IZUMO4: variants seen among roughly 807,000 people sequenced by gnomAD.
IZUMO4 encodes IZUMO family member 4.
Under a neutral mutation model 37.1 loss-of-function variants are expected in IZUMO4, and 51 were observed. The observed-to-expected ratio is 1.38, with a 90% CI of 1.10 to 1.74. IZUMO4 has a LOEUF of 1.74. Ranked by LOEUF, IZUMO4 falls within the 40% of genes most tolerant of loss-of-function variation. IZUMO4 has a pLI of 0.00. For synonymous variants in IZUMO4, 162 were observed against 121.4 expected (o/e 1.33, Z -2.20); for missense variants, 364 against 299.6 (o/e 1.21, Z -1.59).
chr19:2,098,653 G>A, intron 7 of IZUMO4, 134 bp from the exon 8 acceptor site: 3 of 1,556,338 alleles, frequency 1.9e-6, no homozygotes, highest in Non-Finnish European at 2.6e-6. Flanking sequence ...GCTGGAGGCG[G>A]GCATCTTTCC....
chr19:2,097,726 TC>T (rs780151373), intron 3 of IZUMO4: 1 of 704,646 alleles, frequency 1.4e-6, no homozygotes, highest in Non-Finnish European at 2.4e-6. Context: ...GCCACCGCCC[TC>T]CCCTGAAGTT....
Position 2,099,437 on chromosome 19 carries a change from C to T in IZUMO4, c.*92C>T. ...CTCTGGAGCTGGGCTGCTGCTGCCT[C>T]AGGACCCCCTCTCCGACCCCGGACA... is the stretch of plus-strand genomic sequence containing the variant. On this transcript the variant is annotated 3_prime_UTR_variant, in exon 10 of 10. Coordinates refer to ENST00000395301, the MANE Select transcript of IZUMO4 (RefSeq NM_001039846.2). The T allele has an allele frequency of 1.1e-6, 1 of 917,104 alleles. No homozygotes were observed. Among genetic ancestry groups the T allele is most frequent in the Non-Finnish European group, 1.7e-6 (1 of 581,022 alleles). The allele number at this position is 917,104 out of a possible 1,614,324, so 56.8% of individuals were successfully genotyped here. A position where few individuals can be genotyped will look rare whatever the true frequency, so the allele number is the denominator to read the frequency against.
At chr19:2,098,022 G>T in intron 4 of IZUMO4, 30 bp from the exon 5 acceptor site, 1 of 1,613,194 alleles carries the variant, frequency 6.2e-7, no homozygotes, top group Non-Finnish European at 8.5e-7. Flanking sequence ...AGGCTGAGGG[G>T]AGCCCTGGCG....
intron 7 of IZUMO4, 55 bp downstream of exon 7, chr19:2,098,505 G>C: frequency 1.2e-6 from 2 of 1,612,780 alleles, no homozygotes; most frequent in South Asian, 2.2e-5. Context: ...GCACCTCGTG[G>C]GTGAGTATGT....
At chr19:2,098,908 C>T (rs1354973096) in intron 8 of IZUMO4, 68 bp from the exon 9 acceptor site, 12 of 1,589,428 alleles carry the variant, frequency 7.5e-6, no homozygotes, top group Admixed American at 1.7e-5. Context: ...GTGGGGCTCT[C>T]CCTATACCTG....
At chr19:2,097,752 C>G (rs1476617384) in intron 3 of IZUMO4, 177 bp from the exon 4 acceptor site, 4 of 783,954 alleles carry the variant, frequency 5.1e-6, no homozygotes, top group Admixed American at 2.6e-5. Flanking sequence ...CCATCTCACG[C>G]TGGGGGTCAA....
rs940768078 is a variant in IZUMO4 at position 2,098,116 on chromosome 19, C to A, written c.462C>A (p.Gly154=). 1.4e-5 allele frequency: 22 copies of A among 1,613,454 alleles called. No individual in the cohort carries two copies. In the Admixed American group the frequency reaches 2.7e-4, roughly 20 times the overall value. Residue 154 remains glycine, a synonymous_variant, in exon 5 of 10, where the codon GGC becomes GGA. Transcript: ENST00000395301. ...CAGACTCGCACGTCGCCTGCTTTGG[C>A]TATAACTGCGAGTAGGGCTCAGGCA... The part of the protein sequence containing the change: ...NCTDSHVACF[G]YNCESSAQWK...
intron 7 of IZUMO4, 150 bp from the exon 8 acceptor site, chr19:2,098,637 C>G: frequency 6.4e-7 from 1 of 1,558,318 alleles, no homozygotes; most frequent in Non-Finnish European, 8.7e-7. Flanking sequence ...AGGTCTCCGA[C>G]CCTCAGCTGG....
intron 8 of IZUMO4, 71 bp downstream of exon 8, chr19:2,098,875 C>T: frequency 1.9e-6 from 3 of 1,579,922 alleles, no homozygotes; most frequent in Non-Finnish European, 2.6e-6. Flanking sequence ...AGGGGGTCCT[C>T]TAGATCAGTG....
At chr19:2,097,731 T>G (rs1477927123) in intron 3 of IZUMO4, 198 bp from the exon 4 acceptor site, 3 of 719,976 alleles carry the variant, frequency 4.2e-6, no homozygotes, top group African/African-American at 1.8e-5. Context: ...CGCCCTCCCC[T>G]GAAGTTTGCT....
intron 7 of IZUMO4, 23 bp from the exon 8 acceptor site, chr19:2,098,764 G>A (rs527665589): frequency 1.9e-6 from 3 of 1,605,050 alleles, no homozygotes; most frequent in East Asian, 2.2e-5. Context: ...TGGAGGGGCT[G>A]ACTGCCCCAC....
At position 2,099,050 on chromosome 19, in the gene IZUMO4, A is replaced by AG. The variant is rs771778386; in HGVS notation, c.608+23dup. 3 of 1,609,906 alleles carry AG rather than the reference A, an allele frequency of 1.9e-6. No homozygotes were observed. In the South Asian group the frequency reaches 3.3e-5, roughly 18 times the overall value. On this transcript the variant is annotated intron_variant, in intron 9 of 9. Coordinates refer to ENST00000395301, the MANE Select transcript of IZUMO4 (RefSeq NM_001039846.2). ...GCCTTGTGAGTGACCCAGAGAAGGG[A>AG]GGCCTCGGGAGAAGGGGTGCTCGTA...
intron 5 of IZUMO4, 78 bp from the exon 6 acceptor site, chr19:2,098,209 G>C: frequency 6.2e-7 from 1 of 1,610,642 alleles, no homozygotes; most frequent in African/African-American, 1.3e-5. Context: ...GGGGCTCCCC[G>C]CCTTCCACCT....
Position 2,099,476 on chromosome 19 carries a change from C to T in IZUMO4, c.*131C>T. 1 of 551,722 alleles carries T rather than the reference C, an allele frequency of 1.8e-6. No homozygotes were observed. The highest frequency in any genetic ancestry group is 1.9e-5 in the African/African-American group (1 of 52,532). The allele number at this position is 551,722 out of a possible 1,614,324, so 34.2% of individuals were successfully genotyped here. On this transcript the variant is annotated 3_prime_UTR_variant, in exon 10 of 10. Transcript: ENST00000395301. ...CGACCCCGGACAGAGCTGAGCTGGC[C>T]AGGGCCAGGAGGGCGGGAGGGAGGG... is the stretch of plus-strand genomic sequence containing the variant.
At position 2,099,086 on chromosome 19, in the gene IZUMO4, A is replaced by AG. The variant is rs1378757745; in HGVS notation, c.608+58dup. The stretch of plus-strand genomic sequence containing the variant: ...GAAGGGGTGCTCGTAAGCCAACACC[A>AG]GCGTGCCGCGGCCTGCACACCCTGC... On this transcript the variant is annotated intron_variant, in intron 9 of 9. Coordinates refer to ENST00000395301, the MANE Select transcript of IZUMO4 (RefSeq NM_001039846.2). 9 of 1,535,692 alleles carry AG rather than the reference A, an allele frequency of 5.9e-6. No homozygotes were observed. The Admixed American group carries it at 1.3e-4, about 23-fold the overall frequency.
At chr19:2,098,237 G>A (rs1268224793) in intron 5 of IZUMO4, 50 bp from the exon 6 acceptor site, 2 of 1,613,086 alleles carry the variant, frequency 1.2e-6, no homozygotes, top group Admixed American at 1.7e-5. Flanking sequence ...ATCGGGTAGG[G>A]CGGGGCCGTG....
rs372136681 is a variant in IZUMO4 at position 2,098,441 on chromosome 19, A to G, written c.527A>G (p.Asn176Ser). The change falls in exon 7 of 10, where the codon AAC (asparagine) becomes AGC (serine). Residue 176 changes from asparagine to serine, a missense_variant. Coordinates refer to ENST00000395301, the MANE Select transcript of IZUMO4 (RefSeq NM_001039846.2). ...AVQGLLNYINNWHKQDTSMRP... is the reference protein window; with the variant it reads ...AVQGLLNYINSWHKQDTSMRP... ...CAAACCCACTGTCTTTGTAGAAATA[A>G]CTGGCACAAGTAAGTCCCCTCCTCA... 22 of 1,613,802 alleles carry G rather than the reference A, an allele frequency of 1.4e-5. No homozygotes were observed. In the African/African-American group the frequency reaches 1.6e-4, roughly 12 times the overall value.
At chr19:2,098,167 A>C (rs778305391) in intron 5 of IZUMO4, 40 bp downstream of exon 5, 20 of 1,608,938 alleles carry the variant, frequency 1.2e-5, no homozygotes, top group East Asian at 2.2e-5. Context: ...CCAGGGCCCT[A>C]CTGTCCCTGG....
At chr19:2,099,158 C>A (rs902740942) in intron 9 of IZUMO4, 97 bp from the exon 10 acceptor site, 1 of 1,379,266 alleles carries the variant, frequency 7.3e-7, no homozygotes, top group Admixed American at 1.7e-5. Context: ...ACACATAGGA[C>A]CACACGTCCC....
Sources: gnomAD v4.1 joint callset for allele counts on GRCh38, gnomAD v4.1.1 for gene constraint, MANE v1.5 for transcripts, NCBI Gene and HGNC (gene_info 2026-07-23, HGNC 2026-07-21) for gene names.